Variants in CHRM3 observed in about 807,000 individuals in gnomAD.
CHRM3 encodes cholinergic receptor muscarinic 3.
CHRM3 carries 11 observed loss-of-function variants against 41.8 expected under a neutral mutation model. That is an observed-to-expected ratio of 0.26 (90% CI 0.17 to 0.44). CHRM3 has a LOEUF of 0.44. CHRM3 is among the 20% of genes least tolerant of loss of function. The pLI is 1.00. For missense variants in CHRM3, 571 were observed against 745.4 expected (o/e 0.77, Z 2.72); for synonymous variants, 297 against 301.4 (o/e 0.99, Z 0.15).
At chr1:239,588,267 G>A (rs755188403) in intron 3 of CHRM3, among the ~76,000 whole-genome samples, 6 of 152,274 alleles carry the variant, frequency 3.9e-5, no homozygotes, top group East Asian at 3.9e-4. Context: ...ATCAGCCTCC[G>A]CATGGTTCTG....
intron 5 of CHRM3, among the ~76,000 whole-genome samples, chr1:239,815,027 C>T (rs187916483): frequency 1.3e-3 from 201 of 152,196 alleles, no homozygotes; most frequent in African/African-American, 4.7e-3. Flanking sequence ...TCACCTGCCT[C>T]GGCCTCCCAA....
At chr1:239,698,074 G>A (rs1660360339) in intron 5 of CHRM3, among the ~76,000 whole-genome samples, 1 of 152,102 alleles carries the variant, frequency 6.6e-6, no homozygotes, top group South Asian at 2.1e-4. Context: ...ATACACAGGA[G>A]CAATTTTTAA....
At chr1:239,719,217 C>G (rs1662689411) in intron 5 of CHRM3, 1 of 151,962 alleles carries the variant, frequency 6.6e-6, no homozygotes, top group Non-Finnish European at 1.5e-5. Flanking sequence ...TACTGGTTTG[C>G]TTGTTCTGAG....
chr1:239,772,362 G>T lies in CHRM3; in HGVS notation c.-146-54890G>T, dbSNP rs556497602. On this transcript the variant is annotated intron_variant, in intron 5 of 6. Transcript: ENST00000676153. ...GATGAGGTTTCACCATGTTGCCCAG[G>T]CTGGTCTCGAACTCCTGACCTCAGG... 4.6e-5 allele frequency among the ~76,000 whole-genome samples: 7 copies of T among 152,218 alleles called. No individual in the cohort carries two copies. In the South Asian group the frequency reaches 1.5e-3, roughly 32 times the overall value.
intron 5 of CHRM3, among the ~76,000 whole-genome samples, chr1:239,783,187 A>C (rs139827109): frequency 6.6e-6 from 1 of 151,998 alleles, no homozygotes; most frequent in African/African-American, 2.4e-5. Flanking sequence ...TCATAAGTAG[A>C]TGTCAAAGTC....
chr1:239,463,592 G>A (rs567114298), intron 1 of CHRM3, among the ~76,000 whole-genome samples: 1 of 152,174 alleles, frequency 6.6e-6, no homozygotes, highest in Non-Finnish European at 1.5e-5. Flanking sequence ...AGGAAATTGT[G>A]AAAATACAGG....
intron 5 of CHRM3, among the ~76,000 whole-genome samples, chr1:239,805,832 A>G (rs1670594076): frequency 6.6e-6 from 1 of 152,162 alleles, no homozygotes; most frequent in Non-Finnish European, 1.5e-5. Context: ...TGGCCTCATT[A>G]TTTTTATTAT....
At chr1:239,730,826 A>C (rs1177830847) in intron 5 of CHRM3, among the ~76,000 whole-genome samples, 2 of 151,900 alleles carry the variant, frequency 1.3e-5, no homozygotes, top group East Asian at 3.9e-4. Flanking sequence ...TCATGGGGAC[A>C]TTGGGAAAGA....
At chr1:239,667,912 T>C (rs944273089) in intron 4 of CHRM3, among the ~76,000 whole-genome samples, 5 of 152,268 alleles carry the variant, frequency 3.3e-5, no homozygotes, top group African/African-American at 1.2e-4. Flanking sequence ...AAACCCATTT[T>C]TCTCCTACAA....
intron 3 of CHRM3, among the ~76,000 whole-genome samples, chr1:239,548,122 T>G (rs764484873): frequency 8.5e-5 from 13 of 152,324 alleles, no homozygotes; most frequent in South Asian, 2.1e-4. Flanking sequence ...TTATTATGAA[T>G]CAACTTAAGA....
intron 5 of CHRM3, among the ~76,000 whole-genome samples, chr1:239,820,861 T>A (rs539904662): frequency 6.6e-6 from 1 of 152,132 alleles, no homozygotes; most frequent in African/African-American, 2.4e-5. Flanking sequence ...AAATTGCAAA[T>A]CTATTATGTA....
chr1:239,565,910 CTTTTTTTTTTTTT>C (rs796838831), intron 3 of CHRM3, among the ~76,000 whole-genome samples: 1 of 117,446 alleles, frequency 8.5e-6, no homozygotes, highest in African/African-American at 3.2e-5. Flanking sequence ...CATCTTTTTT[CTTTTTTTTTTTTT>C]TTTTTTTTGA....
At chr1:239,774,391 T>C (rs765022373) in intron 5 of CHRM3, among the ~76,000 whole-genome samples, 9 of 152,152 alleles carry the variant, frequency 5.9e-5, no homozygotes, top group Non-Finnish European at 8.8e-5. Context: ...CTCAGAACAA[T>C]AGGAGTTCCT....
intron 5 of CHRM3, among the ~76,000 whole-genome samples, chr1:239,701,925 A>G (rs754195681): frequency 3.9e-5 from 6 of 152,052 alleles, no homozygotes; most frequent in Admixed American, 6.6e-5. Context: ...TCTTTTCTCC[A>G]TGTAATTTAT....
intron 1 of CHRM3, among the ~76,000 whole-genome samples, chr1:239,424,985 G>C (rs924438352): frequency 6.6e-6 from 1 of 152,164 alleles, no homozygotes; most frequent in African/African-American, 2.4e-5. Flanking sequence ...TAATGCATGG[G>C]GGCACAGCCA....
chr1:239,674,578 C>T (rs1347052469), intron 4 of CHRM3, among the ~76,000 whole-genome samples: 6 of 151,764 alleles, frequency 4.0e-5, no homozygotes, highest in African/African-American at 9.7e-5. Flanking sequence ...GGCTTGGTGG[C>T]GGGCGCCTGT....
intron 3 of CHRM3, among the ~76,000 whole-genome samples, chr1:239,566,563 T>C (rs775355942): frequency 5.9e-5 from 9 of 152,240 alleles, no homozygotes; most frequent in Non-Finnish European, 1.2e-4. Flanking sequence ...CTCTTCTGTG[T>C]ATGTTTATTT....
chr1:239,418,932 G>A (rs1661716499), intron 1 of CHRM3, among the ~76,000 whole-genome samples: 1 of 152,152 alleles, frequency 6.6e-6, no homozygotes, highest in Non-Finnish European at 1.5e-5. Flanking sequence ...TTTGAGGAAA[G>A]ACAAAATCTA....
intron 5 of CHRM3, among the ~76,000 whole-genome samples, chr1:239,801,063 T>C (rs1427094104): frequency 6.6e-6 from 1 of 152,192 alleles, no homozygotes. Flanking sequence ...GGAGGCTTAA[T>C]TAGGTAGTTA....
Sources: gnomAD v4.1 joint callset for allele counts (sites outside exome capture counted in the v4.1 genomes callset) on GRCh38, gnomAD v4.1.1 for gene constraint, MANE v1.5 for transcripts, NCBI Gene and HGNC (gene_info 2026-07-23, HGNC 2026-07-21) for gene names.